Variants in ARPP21 observed in about 807,000 individuals in gnomAD.
ARPP21 encodes cAMP-regulated phosphoprotein 21.
In ARPP21, 69 loss-of-function variants were observed where a neutral mutation model predicts 113.2. The observed-to-expected ratio is 0.61, with a 90% CI of 0.50 to 0.74. The LOEUF is 0.74. ARPP21 is among the 30% of genes least tolerant of loss of function. The pLI is 0.00. For synonymous variants in ARPP21, 368 were observed against 375.5 expected, an observed-to-expected ratio of 0.98 and a Z score of 0.23; for missense variants, 1,070 against 1,037.4, an observed-to-expected ratio of 1.03 and a Z score of -0.43.
chr3:35,650,987 A>G (rs1702153241), intron 1 of ARPP21, among the ~76,000 whole-genome samples: 1 of 152,138 alleles, frequency 6.6e-6, no homozygotes, highest in South Asian at 2.1e-4. Context: ...TTGTTGTGAG[A>G]TTCCACATTT....
At chr3:35,717,635 A>G (rs2092595854) in intron 13 of ARPP21, among the ~76,000 whole-genome samples, 1 of 152,114 alleles carries the variant, frequency 6.6e-6, no homozygotes, top group Admixed American at 6.6e-5. Flanking sequence ...ATTTTCCCAA[A>G]TTAACTTTAG....
intron 11 of ARPP21, 103 bp from the exon 12 acceptor site, chr3:35,715,336 T>C: frequency 1.1e-6 from 1 of 881,984 alleles, no homozygotes; most frequent in Non-Finnish European, 1.9e-6. Context: ...TTCTTAATTC[T>C]TTTCCCCTAT....
At chr3:35,758,669 C>A (rs2095657618) in intron 19 of ARPP21, among the ~76,000 whole-genome samples, 1 of 152,048 alleles carries the variant, frequency 6.6e-6, no homozygotes, top group African/African-American at 2.4e-5. Flanking sequence ...AGAAACTACG[C>A]TTTTGACAAG....
chr3:35,723,423 C>CA (rs1204540939), intron 14 of ARPP21, among the ~76,000 whole-genome samples: 1 of 152,168 alleles, frequency 6.6e-6, no homozygotes, highest in Non-Finnish European at 1.5e-5. Flanking sequence ...GATGGGTTCA[C>CA]ACTGCCTTTC....
At chr3:35,756,842 A>G (rs2151196139) in intron 19 of ARPP21, among the ~76,000 whole-genome samples, 1 of 152,296 alleles carries the variant, frequency 6.6e-6, no homozygotes, top group Non-Finnish European at 1.5e-5. Context: ...CACACCTTGC[A>G]GAATGCAGGA....
intron 19 of ARPP21, among the ~76,000 whole-genome samples, chr3:35,758,617 C>T (rs1358648275): frequency 1.3e-5 from 2 of 151,956 alleles, no homozygotes; most frequent in African/African-American, 4.8e-5. Context: ...TGCTCCCTAA[C>T]TCCTTCCCCA....
chr3:35,688,942 T>G (rs2081432783), intron 6 of ARPP21, among the ~76,000 whole-genome samples: 1 of 151,264 alleles, frequency 6.6e-6, no homozygotes, highest in Non-Finnish European at 1.5e-5. Flanking sequence ...CTCAAACTCT[T>G]GAGAGCTCTC....
At chr3:35,676,785 A>G (rs1285420485) in intron 1 of ARPP21, among the ~76,000 whole-genome samples, 2 of 151,912 alleles carry the variant, frequency 1.3e-5, no homozygotes, top group Non-Finnish European at 2.9e-5. Flanking sequence ...CATCCCAATG[A>G]CTTTTTTTTA....
chr3:35,664,649 AT>A (rs1216067686), intron 1 of ARPP21, among the ~76,000 whole-genome samples: 8 of 152,082 alleles, frequency 5.3e-5, no homozygotes, highest in African/African-American at 1.9e-4. Context: ...TTGAGCAGGA[AT>A]TTGTTGGTTG....
rs144587268 is a variant in ARPP21 at position 35,792,501 on chromosome 3, G to T, written c.2257G>T (p.Val753Phe). Residue 753 changes from valine (V) to phenylalanine (F), a missense_variant, in exon 20 of 21, where the codon GTT becomes TTT. By Grantham distance (50) the Val-to-Phe change is conservative. Coordinates refer to ENST00000684406, the MANE Select transcript of ARPP21 (RefSeq NM_001385562.1). ...QQGTPVQSVM[V>F]SYPTMSSYQV... ...AGGAACTCCGGTGCAAAGCGTGATG[G>T]TTTCCTACCCAACAATGTCTTCTTA... The T allele has an allele frequency of 6.2e-7, 1 of 1,614,062 alleles. No homozygotes were observed.
At chr3:35,751,619 C>T (rs1156971513) in intron 19 of ARPP21, among the ~76,000 whole-genome samples, 2 of 152,114 alleles carry the variant, frequency 1.3e-5, no homozygotes, top group Admixed American at 1.3e-4. Flanking sequence ...CTATCCCTTA[C>T]AGTCTGCTCA....
At position 35,792,274 on chromosome 3, in the gene ARPP21, G is replaced by C. The variant is rs937603824; in HGVS notation, c.2138-108G>C. ...ACATCTGATAACACATTCTGAATGT[G>C]GAGACTGAGATGTCTGAAGGCTGCC... On this transcript the variant is annotated intron_variant, in intron 19 of 20. Transcript: ENST00000684406. 4.4e-5 allele frequency: 38 copies of C among 857,754 alleles called. No homozygotes were observed. In the African/African-American group the frequency reaches 6.2e-4, roughly 14 times the overall value. The allele number at this position is 857,754 out of a possible 1,614,324, so 53.1% of individuals were successfully genotyped here. A position where few individuals can be genotyped will look rare whatever the true frequency, so the allele number is the denominator to read the frequency against.
intron 19 of ARPP21, among the ~76,000 whole-genome samples, chr3:35,771,955 C>T (rs1396111832): frequency 1.3e-5 from 2 of 152,128 alleles, no homozygotes; most frequent in Non-Finnish European, 2.9e-5. Flanking sequence ...TGTAGACTGA[C>T]TTTAACAGAC....
At chr3:35,754,652 T>G in intron 19 of ARPP21, among the ~76,000 whole-genome samples, 1 of 151,976 alleles carries the variant, frequency 6.6e-6, no homozygotes, top group Admixed American at 6.6e-5. Flanking sequence ...CATGCTATTT[T>G]TAGACCTAAA....
chr3:35,752,752 T>C (rs2095443125), intron 19 of ARPP21, among the ~76,000 whole-genome samples: 1 of 152,048 alleles, frequency 6.6e-6, no homozygotes, highest in African/African-American at 2.4e-5. Flanking sequence ...ATGTAATAAA[T>C]AGTACATTTT....
At chr3:35,685,870 CAG>C (rs768762656) in intron 5 of ARPP21, 5 of 699,362 alleles carry the variant, frequency 7.1e-6, no homozygotes, top group Non-Finnish European at 8.8e-6. Context: ...TAAAAAATAA[CAG>C]ATTGTTTTTT....
chr3:35,715,310 T>C lies in ARPP21; in HGVS notation c.898-129T>C, dbSNP rs1289456152. The C allele has an allele frequency of 7.0e-6, 5 of 717,744 alleles. No individual in the cohort carries two copies. The Admixed American group carries it at 1.3e-4, about 18-fold the overall frequency. 44.5% of individuals were successfully genotyped at this position (717,744 alleles called of 1,614,324 possible). A position where few individuals can be genotyped will look rare whatever the true frequency, so the allele number is the denominator to read the frequency against. ...CAACCTTTTTCCTTTTTTATTTCTA[T>C]CTTTTGTACCTATTTTTCTTAATTC... On this transcript the variant is annotated intron_variant, in intron 11 of 20. Transcript: ENST00000684406.
Position 35,667,841 on chromosome 3 carries a change from A to AAGAAG in ARPP21, c.-212-11945_-212-11944insGAAGA, listed in dbSNP as rs1559547262. On this transcript the variant is annotated intron_variant, in intron 1 of 20. Coordinates refer to ENST00000684406, the MANE Select transcript of ARPP21 (RefSeq NM_001385562.1). ...GATCACCTGCAGTACTTTTATTCTC[A>AAGAAG]AAGAAGAAGAAGAAGAAGAAGAAGA... Among the ~76,000 whole-genome samples, 312 of 81,506 alleles carry AAGAAG rather than the reference A, an allele frequency of 3.8e-3. 17 individuals are homozygous for AAGAAG. Among genetic ancestry groups the AAGAAG allele is most frequent in the Middle Eastern group, 0.013 (2 of 158 alleles). 53.5% of individuals were successfully genotyped at this position (81,506 alleles called of 152,430 possible).
At chr3:35,694,680 C>G (rs1334069590) in intron 9 of ARPP21, among the ~76,000 whole-genome samples, 2 of 150,812 alleles carry the variant, frequency 1.3e-5, no homozygotes, top group African/African-American at 2.4e-5. Flanking sequence ...TTGAGCAGAG[C>G]CTTCAAGAAG....
Sources: gnomAD v4.1 joint callset for allele counts (sites outside exome capture counted in the v4.1 genomes callset) on GRCh38, gnomAD v4.1.1 for gene constraint, MANE v1.5 for transcripts, NCBI Gene and HGNC (gene_info 2026-07-23, HGNC 2026-07-21) for gene names.